Variants in EPM2A observed in about 807,000 individuals in gnomAD.
The protein encoded by EPM2A is laforin.
Under a neutral mutation model 26.5 loss-of-function variants are expected in EPM2A, and 21 were observed. That is an observed-to-expected ratio of 0.79 (90% confidence interval 0.56 to 1.14). The LOEUF (loss-of-function observed/expected upper bound fraction) is 1.14. EPM2A is among the 50% of genes most tolerant of loss of function. The probability of loss-of-function intolerance (pLI) is 0.00; values close to 1 mark genes in which losing one functional copy is unlikely to be tolerated. For synonymous variants in EPM2A, 217 were observed against 177.6 expected (o/e 1.22, Z -1.76); for missense variants, 458 against 440.8 (o/e 1.04, Z -0.35).
chr6:145,412,364 T>G (rs1778655995), intron 4 of EPM2A, among the ~76,000 whole-genome samples: 1 of 152,186 alleles, frequency 6.6e-6, no homozygotes, highest in Non-Finnish European at 1.5e-5. Context: ...ACAAATATCT[T>G]TAAATATCAC....
At chr6:145,467,697 C>T (rs1582778174) in intron 4 of EPM2A, among the ~76,000 whole-genome samples, 1 of 152,094 alleles carries the variant, frequency 6.6e-6, no homozygotes, top group African/African-American at 2.4e-5. Flanking sequence ...GAAATAACAT[C>T]TTTACAATGT....
intron 2 of EPM2A, among the ~76,000 whole-genome samples, chr6:145,517,599 T>C (rs1239921363): frequency 2.6e-5 from 4 of 152,306 alleles, no homozygotes; most frequent in East Asian, 1.9e-4. Context: ...TAAATAGCAA[T>C]AGACATACAT....
intron 2 of EPM2A, among the ~76,000 whole-genome samples, chr6:145,654,380 C>T (rs1778109144): frequency 6.6e-6 from 1 of 152,070 alleles, no homozygotes; most frequent in South Asian, 2.1e-4. Context: ...AGGGTTTCTC[C>T]ATGTTGGTCA....
At chr6:145,428,450 T>C (rs1436178049) in intron 4 of EPM2A, among the ~76,000 whole-genome samples, 1 of 152,210 alleles carries the variant, frequency 6.6e-6, no homozygotes, top group African/African-American at 2.4e-5. Flanking sequence ...GCGGTTAATC[T>C]ATTGTTTTGA....
At chr6:145,391,989 G>C (rs1408625653) in intron 4 of EPM2A, among the ~76,000 whole-genome samples, 1 of 152,032 alleles carries the variant, frequency 6.6e-6, no homozygotes, top group African/African-American at 2.4e-5. Context: ...GGTAAATGCT[G>C]TTATGGGGAA....
At chr6:145,518,194 T>C (rs369801159) in intron 2 of EPM2A, among the ~76,000 whole-genome samples, 7 of 152,208 alleles carry the variant, frequency 4.6e-5, no homozygotes, top group East Asian at 3.9e-4. Context: ...CATCATTTTC[T>C]CAATACCCCA....
intron 2 of EPM2A, among the ~76,000 whole-genome samples, chr6:145,570,616 C>G (rs1348738636): frequency 6.6e-6 from 1 of 152,190 alleles, no homozygotes; most frequent in Non-Finnish European, 1.5e-5. Flanking sequence ...TGATGACTGC[C>G]TTCTTCTACT....
chr6:145,665,109 A>T (rs1179460699), intron 2 of EPM2A, among the ~76,000 whole-genome samples: 2 of 52,220 alleles, frequency 3.8e-5, no homozygotes, highest in African/African-American at 1.6e-4. Context: ...AAGAACTAGA[A>T]AAGCAAGAGC....
chr6:145,581,756 C>T (rs780456221), intron 2 of EPM2A, among the ~76,000 whole-genome samples: 56 of 152,188 alleles, frequency 3.7e-4, no homozygotes, highest in Admixed American at 7.2e-4. Flanking sequence ...GCCCTTTCCT[C>T]ATTACTTGTT....
rs906096146 is a variant in EPM2A, at chr6:145,635,257, T to C, written c.706A>G (p.Met236Val). 2 of 1,614,172 alleles carry C rather than the reference T, an allele frequency of 1.2e-6. No individual in the cohort carries two copies. Among genetic ancestry groups the C allele is most frequent in the South Asian group, 2.2e-5 (2 of 91,088 alleles). The change falls in exon 3 of 4, where the codon ATG (methionine) becomes GTG (valine). Residue 236 changes from methionine (M) to valine (V), a missense_variant. By Grantham distance (21) the Met-to-Val change is conservative. Transcript: ENST00000367519. ...LAYIWMPTPD[M>V]STEGRVQMLP... ...TTCTGATCCTTACCTTCGGTGCTCA[T>C]ATCTGGTGTTGGCATCCAGATGTAG...
At chr6:145,657,089 C>CTT (rs5880652) in intron 2 of EPM2A, among the ~76,000 whole-genome samples, 10,047 of 121,658 alleles carry the variant, frequency 0.083, 431 homozygotes, top group Middle Eastern at 0.12. Context: ...GTCATTTTTC[C>CTT]TTTTTTTTTT....
intron 3 of EPM2A, chr6:145,632,210 T>C (rs1776318732): frequency 6.6e-6 from 1 of 152,216 alleles, no homozygotes; most frequent in Admixed American, 6.5e-5. Flanking sequence ...TTTAGCCCAG[T>C]TGTCTTGGCT....
intron 4 of EPM2A, among the ~76,000 whole-genome samples, chr6:145,474,507 A>T (rs1779517747): frequency 6.6e-6 from 1 of 151,976 alleles, no homozygotes; most frequent in African/African-American, 2.4e-5. Flanking sequence ...GAGACCTAAA[A>T]CCATAAAAAC....
At chr6:145,694,135 T>C (rs1781438495) in intron 1 of EPM2A, among the ~76,000 whole-genome samples, 1 of 152,008 alleles carries the variant, frequency 6.6e-6, no homozygotes, top group Non-Finnish European at 1.5e-5. Context: ...TTATTCATAT[T>C]ATTTTATTTG....
chr6:145,415,826 C>T lies in EPM2A; in HGVS notation c.556-31729G>A, dbSNP rs565804852. 4.6e-5 allele frequency among the ~76,000 whole-genome samples: 7 copies of T among 152,284 alleles called. No individual in the cohort carries two copies. The South Asian group carries it at 1.2e-3, about 27-fold the overall frequency. On this transcript the variant is annotated intron_variant, in intron 4 of 4. Coordinates refer to the EPM2A transcript ENST00000638717. The stretch of plus-strand genomic sequence containing the variant: ...ACACTCCAGAGAGAACTGCATCCCC[C>T]GAGTTCTGTTGCTCAGGTAACTCCC...
intron 2 of EPM2A, among the ~76,000 whole-genome samples, chr6:145,513,548 T>C (rs1269428855): frequency 1.3e-5 from 2 of 152,196 alleles, no homozygotes; most frequent in African/African-American, 4.8e-5. Flanking sequence ...CTACTAAGTA[T>C]CTTCCCAGTG....
chr6:145,488,974 T>C (rs1008441246), intron 4 of EPM2A, among the ~76,000 whole-genome samples: 1 of 152,204 alleles, frequency 6.6e-6, no homozygotes, highest in Non-Finnish European at 1.5e-5. Context: ...CATTGCTCCT[T>C]ATGACACAGA....
intron 3 of EPM2A, chr6:145,632,190 G>T (rs1353526549): frequency 6.6e-6 from 1 of 152,202 alleles, no homozygotes; most frequent in Non-Finnish European, 1.5e-5. Context: ...CTACCCAGTG[G>T]TGACAAGGCT....
At chr6:145,485,701 A>T (rs1006904290) in intron 4 of EPM2A, among the ~76,000 whole-genome samples, 1 of 152,200 alleles carries the variant, frequency 6.6e-6, no homozygotes, top group Non-Finnish European at 1.5e-5. Flanking sequence ...AATATGTATT[A>T]GTCTGTTTTC....
Sources: allele counts gnomAD v4.1 joint callset (sites outside exome capture counted in the v4.1 genomes callset), GRCh38; gene constraint gnomAD v4.1.1; transcripts MANE v1.5; gene names NCBI Gene and HGNC (gene_info 2026-07-23, HGNC 2026-07-21).